The following BCAT1 variants were observed in gnomAD, a reference collection of about 807,000 sequenced individuals.
BCAT1 encodes branched-chain-amino-acid aminotransferase, cytosolic.
BCAT1 carries 48 observed loss-of-function variants against 52.4 expected under a neutral mutation model. The ratio of observed to expected loss-of-function variants is 0.92; its 90% CI spans 0.73 to 1.16. The LOEUF (loss-of-function observed/expected upper bound fraction) is 1.16, where lower values mean the gene tolerates loss of function less well. BCAT1 is among the 50% of genes most tolerant of loss of function. BCAT1 has a pLI of 0.00. For synonymous variants in BCAT1, 167 were observed against 161.3 expected, an observed-to-expected ratio of 1.04 and a Z score of -0.27; for missense variants, 451 against 457.1, an observed-to-expected ratio of 0.99 and a Z score of 0.12.
chr12:24,821,912 C>T (rs1940152450), intron 10 of BCAT1, among the ~76,000 whole-genome samples: 1 of 152,116 alleles, frequency 6.6e-6, no homozygotes, highest in Non-Finnish European at 1.5e-5. Context: ...CGAGATGAGT[C>T]ATAAAGGACA....
chr12:24,909,541 G>A (rs993247398), intron 1 of BCAT1, among the ~76,000 whole-genome samples: 4 of 152,168 alleles, frequency 2.6e-5, no homozygotes, highest in Non-Finnish European at 5.9e-5. Flanking sequence ...CCAGAGGTGA[G>A]GTGTGGACAG....
At chr12:24,824,421 C>T (rs1940296615) in intron 10 of BCAT1, among the ~76,000 whole-genome samples, 1 of 152,112 alleles carries the variant, frequency 6.6e-6, no homozygotes, top group Non-Finnish European at 1.5e-5. Context: ...GCCTCAGCCT[C>T]CTGAGTAGCT....
At chr12:24,935,986 C>T (rs1369532704) in intron 1 of BCAT1, among the ~76,000 whole-genome samples, 1 of 152,198 alleles carries the variant, frequency 6.6e-6, no homozygotes, top group African/African-American at 2.4e-5. Context: ...TCTTCACTTC[C>T]AAGTCCTCAC....
At chr12:24,902,655 A>G (rs769172421) in intron 1 of BCAT1, 7 of 494,178 alleles carry the variant, frequency 1.4e-5, no homozygotes, top group Admixed American at 4.2e-5. Flanking sequence ...GCGAGTCCAT[A>G]GCTACCCTCA....
chr12:24,918,174 C>A (rs1288583036), intron 1 of BCAT1, among the ~76,000 whole-genome samples: 10 of 152,178 alleles, frequency 6.6e-5, no homozygotes, highest in Non-Finnish European at 1.3e-4. Context: ...GGAAGGTCCC[C>A]ATGAGAAGAC....
chr12:24,870,016 G>GTGCA (rs1410213159), intron 5 of BCAT1, among the ~76,000 whole-genome samples: 7 of 96,052 alleles, frequency 7.3e-5, no homozygotes, highest in African/African-American at 1.6e-4. Context: ...GTGTGTGTGT[G>GTGCA]TGTGTGTGTA....
At chr12:24,925,829 T>C (rs1367501840) in intron 1 of BCAT1, among the ~76,000 whole-genome samples, 1 of 152,160 alleles carries the variant, frequency 6.6e-6, no homozygotes, top group Non-Finnish European at 1.5e-5. Flanking sequence ...TAACCGGGAG[T>C]GATCTGCCAG....
intron 1 of BCAT1, among the ~76,000 whole-genome samples, chr12:24,938,414 G>A (rs766747459): frequency 3.3e-5 from 5 of 152,196 alleles, no homozygotes; most frequent in East Asian, 1.9e-4. Context: ...GCAGATTTGA[G>A]TGGGAGGGTC....
At chr12:24,899,207 A>C (rs1943031280) in intron 2 of BCAT1, among the ~76,000 whole-genome samples, 1 of 152,236 alleles carries the variant, frequency 6.6e-6, no homozygotes, top group Non-Finnish European at 1.5e-5. Flanking sequence ...CTGCATCCTC[A>C]TGTAATATGA....
intron 5 of BCAT1, among the ~76,000 whole-genome samples, chr12:24,863,586 T>C (rs1941915110): frequency 6.6e-6 from 1 of 152,244 alleles, no homozygotes; most frequent in South Asian, 2.1e-4. Context: ...TGGTCCAGGA[T>C]ACTTGATAGG....
Position 24,834,218 on chromosome 12 carries a change from T to G in BCAT1, c.904-1355A>C, listed in dbSNP as rs1054950756. The G allele has an allele frequency of 1.5e-5, 15 of 980,420 alleles. No homozygotes were observed. The African/African-American group carries it at 2.4e-4, about 16-fold the overall frequency. The allele number at this position is 980,420 out of a possible 1,614,324, so 60.7% of individuals were successfully genotyped here. On this transcript the variant is annotated intron_variant, in intron 8 of 10. Coordinates refer to ENST00000261192, the MANE Select transcript of BCAT1 (RefSeq NM_005504.7). ...ACGTTGAATGTATATTTGGACTTTA[T>G]TTGAGAAATTGTATTGTATGTATTT...
At chr12:24,930,261 C>G (rs1943658105) in intron 1 of BCAT1, among the ~76,000 whole-genome samples, 2 of 152,206 alleles carry the variant, frequency 1.3e-5, no homozygotes, top group Non-Finnish European at 2.9e-5. Flanking sequence ...TCCTTCAACC[C>G]CAGCTCTGGC....
At chr12:24,887,429 C>A (rs766078186) in intron 3 of BCAT1, among the ~76,000 whole-genome samples, 5 of 152,106 alleles carry the variant, frequency 3.3e-5, no homozygotes, top group Admixed American at 1.3e-4. Context: ...CACACACATG[C>A]ACACAAACAC....
chr12:24,878,187 T>C (rs1382175400), intron 5 of BCAT1, among the ~76,000 whole-genome samples: 1 of 151,698 alleles, frequency 6.6e-6, no homozygotes, highest in Non-Finnish European at 1.5e-5. Flanking sequence ...AAAAAAATCA[T>C]TTCCTACCTA....
At chr12:24,855,338 A>G (rs1000189273) in intron 5 of BCAT1, among the ~76,000 whole-genome samples, 1 of 151,348 alleles carries the variant, frequency 6.6e-6, no homozygotes, top group Admixed American at 6.6e-5. Flanking sequence ...AAAAAAAAAG[A>G]AAAGGAATTG....
At chr12:24,876,260 T>TAAAAAAAAAAA (rs71448093) in intron 5 of BCAT1, among the ~76,000 whole-genome samples, 3 of 109,900 alleles carry the variant, frequency 2.7e-5, no homozygotes, top group East Asian at 2.6e-4. Flanking sequence ...GAGGGAGATG[T>TAAAAAAAAAAA]AAAAAAAAAA....
chr12:24,861,071 G>A (rs1591816606), intron 5 of BCAT1, among the ~76,000 whole-genome samples: 2 of 152,288 alleles, frequency 1.3e-5, no homozygotes, highest in South Asian at 4.1e-4. Context: ...ATAGAAATGG[G>A]AGACTGGAGA....
At chr12:24,901,018 T>G (rs1943089465) in intron 2 of BCAT1, among the ~76,000 whole-genome samples, 1 of 152,118 alleles carries the variant, frequency 6.6e-6, no homozygotes, top group Non-Finnish European at 1.5e-5. Flanking sequence ...AAAAGAAAAA[T>G]AAAATAAAAA....
intron 6 of BCAT1, among the ~76,000 whole-genome samples, chr12:24,844,754 G>A (rs992483597): frequency 6.6e-5 from 10 of 151,492 alleles, no homozygotes; most frequent in Admixed American, 2.6e-4. Flanking sequence ...AAAATTATCC[G>A]GGCGTGGTGG....
Sources: allele counts gnomAD v4.1 joint callset (sites outside exome capture counted in the v4.1 genomes callset), GRCh38; gene constraint gnomAD v4.1.1; transcripts MANE v1.5; gene names NCBI Gene and HGNC (gene_info 2026-07-23, HGNC 2026-07-21).